STK32B: variants seen among roughly 807,000 people sequenced by gnomAD.
STK32B encodes serine/threonine-protein kinase 32B.
In STK32B, 43 loss-of-function variants were observed where a neutral mutation model predicts 52.6. The ratio of observed to expected loss-of-function variants is 0.82; its 90% confidence interval spans 0.64 to 1.05. The LOEUF (loss-of-function observed/expected upper bound fraction) is 1.05. Ranked by LOEUF, STK32B falls within the 50% of genes least tolerant of loss-of-function variation. The pLI is 0.00. For missense variants in STK32B, 621 were observed against 534.6 expected, an observed-to-expected ratio of 1.16 and a Z score of -1.59; for synonymous variants, 238 against 204.3, an observed-to-expected ratio of 1.17 and a Z score of -1.41.
At chr4:5,099,429 C>CCT (rs1349674848) in intron 1 of STK32B, among the ~76,000 whole-genome samples, 8 of 127,200 alleles carry the variant, frequency 6.3e-5, no homozygotes, top group Non-Finnish European at 1.3e-4. Flanking sequence ...TTTCTGCAGT[C>CCT]CTCTGTGTGT....
In STK32B at chr4:5,230,178, C is replaced by CTTTTT. The variant is rs752036100; in HGVS notation, c.260+61755_260+61759dup. Among the ~76,000 whole-genome samples the CTTTTT allele has an allele frequency of 5.9e-4, 42 of 71,120 alleles. 5 individuals carry two copies. The highest frequency in any genetic ancestry group is 2.2e-3 in the African/African-American group (28 of 12,902). 46.7% of individuals were successfully genotyped at this position (71,120 alleles called of 152,430 possible). A position where few individuals can be genotyped will look rare whatever the true frequency, so the allele number is the denominator to read the frequency against. The stretch of plus-strand genomic sequence containing the variant: ...AGAAGAACACTCAAGCATGCATTCC[C>CTTTTT]TTTTTTTTTTTTTTTTTTTTTTTTT... On this transcript the variant is annotated intron_variant, in intron 3 of 11. Transcript: ENST00000282908.
intron 1 of STK32B, among the ~76,000 whole-genome samples, chr4:5,053,980 A>AAAATAAATAAAT (rs558541378): frequency 2.4e-4 from 35 of 147,412 alleles, no homozygotes; most frequent in African/African-American, 5.1e-4. Flanking sequence ...GCTCCATCTC[A>AAAATAAATAAAT]AAATAAATAA....
At chr4:5,107,143 T>C (rs1038002900) in intron 1 of STK32B, among the ~76,000 whole-genome samples, 2 of 152,086 alleles carry the variant, frequency 1.3e-5, no homozygotes, top group Admixed American at 6.5e-5. Context: ...TAGATTTTCA[T>C]AGGAGCGCAA....
chr4:5,389,017 C>T (rs748370162), intron 4 of STK32B, among the ~76,000 whole-genome samples: 6 of 152,096 alleles, frequency 3.9e-5, no homozygotes, highest in Non-Finnish European at 8.8e-5. Flanking sequence ...ATCAGCAACC[C>T]CCAAGCATGG....
At chr4:5,308,233 A>G (rs1261925014) in intron 3 of STK32B, among the ~76,000 whole-genome samples, 2 of 152,190 alleles carry the variant, frequency 1.3e-5, no homozygotes, top group African/African-American at 4.8e-5. Flanking sequence ...TGGCTGTCCC[A>G]CAGAGCCTGC....
chr4:5,466,154 A>C (rs1471414132), intron 9 of STK32B, among the ~76,000 whole-genome samples: 1 of 152,168 alleles, frequency 6.6e-6, no homozygotes, highest in African/African-American at 2.4e-5. Flanking sequence ...CCCAGAAGTC[A>C]GGGAGACCTA....
At chr4:5,089,490 T>C (rs893553789) in intron 1 of STK32B, among the ~76,000 whole-genome samples, 1 of 152,214 alleles carries the variant, frequency 6.6e-6, no homozygotes, top group Admixed American at 6.5e-5. Flanking sequence ...TCTAGCTTCA[T>C]CCATGTCCCT....
chr4:5,438,145 G>C, intron 6 of STK32B: 1 of 985,120 alleles, frequency 1.0e-6, no homozygotes, highest in Non-Finnish European at 1.2e-6. Context: ...TGCGCTATTG[G>C]AGCTTGTGGG....
chr4:5,053,388 TC>T (rs36002661), intron 1 of STK32B, among the ~76,000 whole-genome samples: 1 of 152,150 alleles, frequency 6.6e-6, no homozygotes, highest in Non-Finnish European at 1.5e-5. Context: ...CTCTTGCATG[TC>T]CCAGTAAGAG....
At chr4:5,202,346 G>A (rs986274348) in intron 3 of STK32B, among the ~76,000 whole-genome samples, 1 of 152,262 alleles carries the variant, frequency 6.6e-6, no homozygotes, top group Non-Finnish European at 1.5e-5. Context: ...GCTTTTGAGG[G>A]TGTAGTCCCC....
chr4:5,481,559 C>A, intron 11 of STK32B, among the ~76,000 whole-genome samples: 1 of 152,108 alleles, frequency 6.6e-6, no homozygotes, highest in Non-Finnish European at 1.5e-5. Context: ...GTGGTAGTTT[C>A]TTTTGCTGTG....
chr4:5,360,496 G>A (rs1215095183), intron 4 of STK32B, among the ~76,000 whole-genome samples: 12 of 152,208 alleles, frequency 7.9e-5, no homozygotes, highest in Admixed American at 7.2e-4. Context: ...AATAGACCGT[G>A]TGTGCGCTCT....
chr4:5,462,183 CTG>C (rs1314962662), intron 9 of STK32B, among the ~76,000 whole-genome samples: 1 of 151,386 alleles, frequency 6.6e-6, no homozygotes, highest in East Asian at 1.9e-4. Context: ...GTCTGTATGT[CTG>C]TGTGCATGCC....
intron 1 of STK32B, among the ~76,000 whole-genome samples, chr4:5,132,740 A>T (rs1377645679): frequency 6.6e-6 from 1 of 152,166 alleles, no homozygotes; most frequent in Non-Finnish European, 1.5e-5. Flanking sequence ...GCCATTTGTT[A>T]TAGCAGCACC....
intron 3 of STK32B, among the ~76,000 whole-genome samples, chr4:5,258,012 G>A (rs375245416): frequency 1.6e-4 from 24 of 152,128 alleles, no homozygotes; most frequent in African/African-American, 4.8e-4. Context: ...CAGACTTCCC[G>A]AGTTCAAATC....
chr4:5,454,498 G>A (rs1187999400), intron 7 of STK32B, among the ~76,000 whole-genome samples: 1 of 152,048 alleles, frequency 6.6e-6, no homozygotes, highest in African/African-American at 2.4e-5. Flanking sequence ...GTAGAATTAG[G>A]ACCAACTCTA....
rs192434367 is a variant in STK32B, at chr4:5,375,969, C to T, written c.435-22238C>T. ...ACCCACTTACAGCCTATGCCCACCTCCACCCTCATCTCTGCATGTCCCAGC... is the reference window on the plus strand; with the variant it reads ...ACCCACTTACAGCCTATGCCCACCTTCACCCTCATCTCTGCATGTCCCAGC... On this transcript the variant is annotated intron_variant, in intron 4 of 11. Transcript: ENST00000282908. 3.3e-3 allele frequency among the ~76,000 whole-genome samples: 496 copies of T among 152,290 alleles called. 5 individuals carry two copies. Among genetic ancestry groups the T allele is most frequent in the South Asian group, 0.015 (73 of 4,822 alleles).
chr4:5,433,407 C>T (rs536343628), intron 6 of STK32B, among the ~76,000 whole-genome samples: 2 of 151,980 alleles, frequency 1.3e-5, no homozygotes, highest in Admixed American at 6.6e-5. Context: ...TGTAAGTGTC[C>T]GGTGGGTGTT....
chr4:5,159,642 A>AAT (rs796164974), intron 2 of STK32B, among the ~76,000 whole-genome samples: 6 of 92,160 alleles, frequency 6.5e-5, no homozygotes, highest in East Asian at 6.3e-4. Context: ...TATATATATG[A>AAT]ATGTATATGA....
Sources: gnomAD v4.1 joint callset for allele counts (sites outside exome capture counted in the v4.1 genomes callset) on GRCh38, gnomAD v4.1.1 for gene constraint, MANE v1.5 for transcripts, NCBI Gene and HGNC (gene_info 2026-07-23, HGNC 2026-07-21) for gene names.